The following POC1B variants were observed in gnomAD, a reference collection of about 807,000 sequenced individuals.
POC1B encodes POC1 centriolar protein homolog B.
In POC1B, 44 loss-of-function variants were observed where a neutral mutation model predicts 60.6. That is an observed-to-expected ratio of 0.73 (90% CI 0.57 to 0.93). The LOEUF is 0.93. Ranked by LOEUF, POC1B falls within the 40% of genes least tolerant of loss-of-function variation. The probability of loss-of-function intolerance (pLI) is 0.00; values close to 1 mark genes in which losing one functional copy is unlikely to be tolerated. For synonymous variants in POC1B, 180 were observed against 198.9 expected, an observed-to-expected ratio of 0.90 and a Z score of 0.80; for missense variants, 555 against 572.3, an observed-to-expected ratio of 0.97 and a Z score of 0.31.
intron 10 of POC1B, chr12:89,427,082 T>A (rs1880798037): frequency 6.6e-6 from 1 of 152,136 alleles, no homozygotes; most frequent in African/African-American, 2.4e-5. Flanking sequence ...AAGAAACCCA[T>A]AACAGCTAAA....
At chr12:89,501,663 T>C (rs1869572208) in intron 2 of POC1B, 2 of 1,113,952 alleles carry the variant, frequency 1.8e-6, no homozygotes, top group African/African-American at 3.1e-5. Flanking sequence ...TCACGAGAAG[T>C]CGAAGAATTT....
At chr12:89,515,266 CACAG>C (rs1368819819) in intron 2 of POC1B, among the ~76,000 whole-genome samples, 1 of 152,040 alleles carries the variant, frequency 6.6e-6, no homozygotes, top group Non-Finnish European at 1.5e-5. Context: ...CAAGTGGAAA[CACAG>C]ACAAATATAT....
chr12:89,503,567 C>T (rs1219264943), intron 2 of POC1B, among the ~76,000 whole-genome samples: 3 of 151,984 alleles, frequency 2.0e-5, no homozygotes, highest in South Asian at 2.1e-4. Context: ...CGTCTCTGCC[C>T]GGCCACCATC....
rs942901561 is a variant in POC1B at position 89,497,311 on chromosome 12, T to C, written c.132A>G (p.Leu44=). 8.1e-6 allele frequency: 13 copies of C among 1,612,618 alleles called. No homozygotes were observed. Among genetic ancestry groups the C allele is most frequent in the South Asian group, 4.4e-5 (4 of 91,028 alleles). ...CTCTAGCATGTGGCTTGAAATTCCA[T>C]AGCATGAGAAAGGTATCCCAAGAAG... The part of the protein sequence containing the change: ...ATASWDTFLM[L]WNFKPHARAY... Residue 44 remains leucine (L), a synonymous_variant, in exon 3 of 12, where the codon CTA becomes CTG. Coordinates refer to ENST00000313546, the MANE Select transcript of POC1B (RefSeq NM_172240.3).
At chr12:89,482,237 C>T (rs1868388217) in intron 4 of POC1B, among the ~76,000 whole-genome samples, 1 of 152,056 alleles carries the variant, frequency 6.6e-6, no homozygotes, top group African/African-American at 2.4e-5. Flanking sequence ...GATCCTACAG[C>T]AGAACAGACC....
intron 2 of POC1B, chr12:89,522,209 TA>T: frequency 2.5e-6 from 1 of 398,642 alleles, no homozygotes; most frequent in South Asian, 1.3e-4. Flanking sequence ...GTCTGCATGT[TA>T]AAAAGGCCTC....
chr12:89,479,318 T>A (rs1055800573), intron 4 of POC1B, among the ~76,000 whole-genome samples: 3 of 152,194 alleles, frequency 2.0e-5, no homozygotes, highest in Non-Finnish European at 4.4e-5. Context: ...AAATAAAAAT[T>A]GGAAAAATCG....
At chr12:89,522,960 A>C (rs1871017037) in intron 2 of POC1B, 1 of 1,614,050 alleles carries the variant, frequency 6.2e-7, no homozygotes, top group Non-Finnish European at 8.5e-7. Flanking sequence ...TAAAATGCCA[A>C]ATAATGTTTG....
chr12:89,503,251 A>T (rs12366934), intron 2 of POC1B, among the ~76,000 whole-genome samples: 2 of 147,578 alleles, frequency 1.4e-5, no homozygotes, highest in African/African-American at 2.5e-5. Flanking sequence ...AGTGCCTGCG[A>T]TTGCAGGCAC....
intron 2 of POC1B, among the ~76,000 whole-genome samples, chr12:89,503,240 G>A (rs372053767): frequency 1.3e-5 from 2 of 150,910 alleles, no homozygotes; most frequent in African/African-American, 2.4e-5. Context: ...TCAGCCTGCC[G>A]AGTGCCTGCG....
chr12:89,498,813 A>G (rs1555185267), intron 2 of POC1B, among the ~76,000 whole-genome samples: 1 of 152,182 alleles, frequency 6.6e-6, no homozygotes, highest in Non-Finnish European at 1.5e-5. Flanking sequence ...TCTGTGTATC[A>G]TGCTGCAAAC....
intron 4 of POC1B, among the ~76,000 whole-genome samples, chr12:89,488,511 A>T (rs545375367): frequency 2.0e-5 from 3 of 152,260 alleles, no homozygotes; most frequent in African/African-American, 7.2e-5. Flanking sequence ...ATTCTGAGAT[A>T]GAGTCTAGCT....
At chr12:89,525,561 T>C in intron 1 of POC1B, 4 of 1,292,870 alleles carry the variant, frequency 3.1e-6, no homozygotes, top group Non-Finnish European at 3.9e-6. Context: ...CTTTTTTTTT[T>C]TTTAATACTT....
chr12:89,492,383 G>A (rs1209814393), intron 3 of POC1B, among the ~76,000 whole-genome samples: 1 of 152,100 alleles, frequency 6.6e-6, no homozygotes, highest in Non-Finnish European at 1.5e-5. Context: ...AGGCATTTGA[G>A]AAGTAGAAAA....
At position 89,470,455 on chromosome 12, in the gene POC1B, G is replaced by A. The variant is rs375108937; in HGVS notation, c.716C>T (p.Ser239Leu). 2.1e-5 allele frequency: 33 copies of A among 1,607,084 alleles called. No homozygotes were observed. The highest frequency in any genetic ancestry group is 2.7e-5 in the African/African-American group (2 of 74,842). The part of the protein sequence containing the change: ...GGVNCISFHP[S>L]GNYLITASSD... ...AGAAGCTGTGATGAGATAGTTACCCGAAGGATGGAATGATATGCAATTAAC... is the reference window on the plus strand; with the variant it reads ...AGAAGCTGTGATGAGATAGTTACCCAAAGGATGGAATGATATGCAATTAAC... Residue 239 changes from serine (S) to leucine (L), a missense_variant, in exon 7 of 12, where the codon TCG becomes TTG. Ser to Leu is a moderately radical substitution (Grantham distance 145). Coordinates refer to ENST00000313546, the MANE Select transcript of POC1B (RefSeq NM_172240.3).
intron 2 of POC1B, among the ~76,000 whole-genome samples, chr12:89,504,187 T>C (rs1183630816): frequency 6.6e-6 from 1 of 152,240 alleles, no homozygotes; most frequent in Non-Finnish European, 1.5e-5. Context: ...GGGGAAAAGA[T>C]AGAGAAATCA....
chr12:89,450,212 CT>C (rs552999955), intron 10 of POC1B, among the ~76,000 whole-genome samples: 244 of 144,686 alleles, frequency 1.7e-3, no homozygotes, highest in Middle Eastern at 3.6e-3. Context: ...AAATCTTCTT[CT>C]TTTTTTTTTT....
At chr12:89,443,750 G>GA (rs1227875309) in intron 10 of POC1B, among the ~76,000 whole-genome samples, 2 of 151,822 alleles carry the variant, frequency 1.3e-5, no homozygotes, top group Non-Finnish European at 2.9e-5. Context: ...AAATAACTAA[G>GA]ATCAGAGCAG....
intron 7 of POC1B, among the ~76,000 whole-genome samples, chr12:89,469,214 T>C (rs1882797264): frequency 6.6e-6 from 1 of 152,124 alleles, no homozygotes; most frequent in Non-Finnish European, 1.5e-5. Context: ...GAGCCGAGAT[T>C]GTGCCACTGC....
Sources: allele counts gnomAD v4.1 joint callset (sites outside exome capture counted in the v4.1 genomes callset), GRCh38; gene constraint gnomAD v4.1.1; transcripts MANE v1.5; gene names NCBI Gene and HGNC (gene_info 2026-07-23, HGNC 2026-07-21).